The following AKAP6 variants were observed in gnomAD, a reference collection of about 807,000 sequenced individuals.
AKAP6 encodes A-kinase anchoring protein 6.
In AKAP6, 58 loss-of-function variants were observed where a neutral mutation model predicts 188.5. That is an observed-to-expected ratio of 0.31 (90% CI 0.25 to 0.38). The LOEUF is 0.38. Ranked by LOEUF, AKAP6 falls within the 10% of genes least tolerant of loss-of-function variation. AKAP6 has a pLI of 1.00. For missense variants in AKAP6, 2,710 were observed against 2,740.0 expected (o/e 0.99, Z 0.24); for synonymous variants, 989 against 998.6 (o/e 0.99, Z 0.18).
intron 2 of AKAP6, among the ~76,000 whole-genome samples, chr14:32,499,395 T>C (rs986246696): frequency 1.3e-5 from 2 of 149,418 alleles, no homozygotes; most frequent in African/African-American, 4.9e-5. Flanking sequence ...CCTCCCAAAG[T>C]TCTGGGATAA....
chr14:32,340,186 A>G (rs1455545200), intron 1 of AKAP6, among the ~76,000 whole-genome samples: 1 of 151,852 alleles, frequency 6.6e-6, no homozygotes, highest in Non-Finnish European at 1.5e-5. Flanking sequence ...TTTTATGATA[A>G]TAAAACATAT....
At chr14:32,531,594 C>G (rs910895341) in intron 2 of AKAP6, among the ~76,000 whole-genome samples, 1 of 152,168 alleles carries the variant, frequency 6.6e-6, no homozygotes, top group Non-Finnish European at 1.5e-5. Flanking sequence ...CTATACCAAA[C>G]AGTTCCATCA....
chr14:32,674,596 T>C (rs533996915), intron 7 of AKAP6, among the ~76,000 whole-genome samples: 55 of 152,314 alleles, frequency 3.6e-4, no homozygotes, highest in African/African-American at 1.3e-3. Flanking sequence ...TACCATTTGT[T>C]TAAAACGAAA....
intron 1 of AKAP6, among the ~76,000 whole-genome samples, chr14:32,374,623 T>C (rs1228933459): frequency 1.3e-5 from 2 of 152,156 alleles, no homozygotes; most frequent in African/African-American, 4.8e-5. Context: ...GGAGCCTTCA[T>C]AGTTTTACTC....
intron 12 of AKAP6, among the ~76,000 whole-genome samples, chr14:32,788,955 C>T (rs900226526): frequency 2.0e-5 from 3 of 152,222 alleles, no homozygotes; most frequent in African/African-American, 7.2e-5. Flanking sequence ...CTGGAGTCTG[C>T]CTGAGACAGG....
intron 2 of AKAP6, among the ~76,000 whole-genome samples, chr14:32,445,275 A>C (rs2138753035): frequency 1.3e-5 from 2 of 152,236 alleles, no homozygotes; most frequent in East Asian, 3.9e-4. Flanking sequence ...CTCTGCCTGG[A>C]AAAATTGCTG....
intron 1 of AKAP6, among the ~76,000 whole-genome samples, chr14:32,374,575 C>T (rs1888103715): frequency 6.6e-6 from 1 of 152,100 alleles, no homozygotes. Context: ...TGTGAAGGGC[C>T]TACTTAAGGT....
At position 32,610,569 on chromosome 14, in the gene AKAP6, A is replaced by C. The variant is rs1343600805; in HGVS notation, c.2730+9777A>C. Among the ~76,000 whole-genome samples, 4 of 152,314 alleles carry C rather than the reference A, an allele frequency of 2.6e-5. No individual in the cohort carries two copies. The East Asian group carries it at 5.8e-4, about 22-fold the overall frequency. On this transcript the variant is annotated intron_variant, in intron 7 of 13. Transcript: ENST00000280979. The stretch of plus-strand genomic sequence containing the variant: ...GTTCTAAATTAAGGCAGACTGTGCG[A>C]TGAATACAAGAGATACAGAAACTGG...
intron 2 of AKAP6, among the ~76,000 whole-genome samples, chr14:32,503,166 T>G (rs1222162985): frequency 2.6e-5 from 4 of 152,138 alleles, no homozygotes; most frequent in Non-Finnish European, 5.9e-5. Context: ...AAAATTATAT[T>G]TCTTTTACTG....
chr14:32,549,576 A>G (rs561743225), intron 4 of AKAP6, among the ~76,000 whole-genome samples: 2 of 152,316 alleles, frequency 1.3e-5, no homozygotes, highest in East Asian at 3.9e-4. Flanking sequence ...AGGCAATTAG[A>G]ATTTGTTCAC....
intron 11 of AKAP6, among the ~76,000 whole-genome samples, chr14:32,743,593 T>A (rs2031769944): frequency 6.6e-6 from 1 of 152,158 alleles, no homozygotes; most frequent in Non-Finnish European, 1.5e-5. Flanking sequence ...TATAACCCAT[T>A]ATTTTAAGCT....
chr14:32,614,298 A>C (rs571444826), intron 7 of AKAP6, among the ~76,000 whole-genome samples: 1 of 152,328 alleles, frequency 6.6e-6, no homozygotes, highest in South Asian at 2.1e-4. Context: ...TGTACACAAA[A>C]AGCTTAATGA....
chr14:32,731,850 T>G, intron 9 of AKAP6, among the ~76,000 whole-genome samples: 1 of 152,000 alleles, frequency 6.6e-6, no homozygotes, highest in East Asian at 1.9e-4. Flanking sequence ...GGGGAGAGGG[T>G]TCTGTAGTCA....
chr14:32,587,001 G>A (rs953301625), intron 5 of AKAP6, among the ~76,000 whole-genome samples: 1 of 152,156 alleles, frequency 6.6e-6, no homozygotes, highest in South Asian at 2.1e-4. Flanking sequence ...ACTCAACAAT[G>A]CATGAGAGTG....
At chr14:32,687,500 T>C (rs1039296837) in intron 8 of AKAP6, among the ~76,000 whole-genome samples, 2 of 151,038 alleles carry the variant, frequency 1.3e-5, no homozygotes, top group East Asian at 3.9e-4. Context: ...ACTGTGACCA[T>C]TTTGAATTTC....
intron 9 of AKAP6, among the ~76,000 whole-genome samples, chr14:32,712,508 T>A (rs1451831439): frequency 1.3e-5 from 2 of 152,058 alleles, no homozygotes; most frequent in Non-Finnish European, 2.9e-5. Flanking sequence ...TAGAACTTCT[T>A]TCAAAATTGG....
At chr14:32,366,160 AC>A (rs1887827097) in intron 1 of AKAP6, among the ~76,000 whole-genome samples, 3 of 150,794 alleles carry the variant, frequency 2.0e-5, no homozygotes, top group African/African-American at 4.9e-5. Context: ...CCTTGTTTGC[AC>A]CCCCTCCATG....
intron 9 of AKAP6, among the ~76,000 whole-genome samples, chr14:32,702,926 C>G (rs1049419233): frequency 5.3e-5 from 8 of 152,110 alleles, no homozygotes; most frequent in African/African-American, 1.7e-4. Context: ...AGGGCTGGCT[C>G]AGGACTCAAT....
chr14:32,789,754 C>T (rs1212913904), intron 12 of AKAP6, among the ~76,000 whole-genome samples: 1 of 152,120 alleles, frequency 6.6e-6, no homozygotes, highest in African/African-American at 2.4e-5. Flanking sequence ...TAGATAAGCC[C>T]ACAAAATGAG....
Sources: allele counts gnomAD v4.1 joint callset (sites outside exome capture counted in the v4.1 genomes callset), GRCh38; gene constraint gnomAD v4.1.1; transcripts MANE v1.5; gene names NCBI Gene and HGNC (gene_info 2026-07-23, HGNC 2026-07-21).